Variants in ZNF276 observed in about 807,000 individuals in gnomAD.
The protein encoded by ZNF276 is centromere protein Z.
A neutral mutation model predicts 63.9 loss-of-function variants in ZNF276; 59 were observed. The observed-to-expected ratio is 0.92, with a 90% CI of 0.75 to 1.15. ZNF276 has a LOEUF of 1.15. Ranked by LOEUF, ZNF276 falls within the 50% of genes most tolerant of loss-of-function variation. The pLI is 0.00. For missense variants in ZNF276, 1,084 were observed against 843.8 expected, an observed-to-expected ratio of 1.28 and a Z score of -3.53; for synonymous variants, 496 against 348.4, an observed-to-expected ratio of 1.42 and a Z score of -4.72.
chr16:89,721,435 G>A (rs1039580734), upstream of ZNF276: 9 of 446,858 alleles, frequency 2.0e-5, no homozygotes, highest in African/African-American at 1.2e-4. Flanking sequence ...GTACGAGCGG[G>A]GGCGCTGGCA....
chr16:89,734,280 C>A (rs750681116), intron 9 of ZNF276, among the ~76,000 whole-genome samples: 4 of 152,162 alleles, frequency 2.6e-5, no homozygotes, highest in Non-Finnish European at 4.4e-5. Context: ...TTTGTCAAAA[C>A]TAATAGCCAA....
intron 9 of ZNF276, chr16:89,737,568 A>T: frequency 1.6e-6 from 1 of 627,184 alleles, no homozygotes; most frequent in Non-Finnish European, 2.5e-6. Flanking sequence ...TAGCTTTCTG[A>T]GGTTTCTTTA....
At position 89,733,417 on chromosome 16, in the gene ZNF276, T is replaced by C; in HGVS notation, c.1280+5T>C. 6.2e-7 allele frequency: 1 copy of C among 1,614,116 alleles called. No individual in the cohort carries two copies. The highest frequency in any genetic ancestry group is 8.5e-7 in the Non-Finnish European group (1 of 1,180,016). On this transcript the variant is annotated splice_donor_5th_base_variant and intron_variant, in intron 7 of 10. Coordinates refer to ENST00000443381, the MANE Select transcript of ZNF276 (RefSeq NM_001113525.2). Reference sequence around the variant, plus strand: ...GAAGAAGCTTCGTTGTGAGAGGTGATGCCTGCAACGCGAGGCTCGCCCTGC... The same window carrying C: ...GAAGAAGCTTCGTTGTGAGAGGTGACGCCTGCAACGCGAGGCTCGCCCTGC...
chr16:89,725,304 C>G (rs2061435682), intron 4 of ZNF276, among the ~76,000 whole-genome samples: 1 of 151,594 alleles, frequency 6.6e-6, no homozygotes, highest in Non-Finnish European at 1.5e-5. Flanking sequence ...GCCTCAGCCT[C>G]CCGAGTAGCT....
intron 6 of ZNF276, among the ~76,000 whole-genome samples, chr16:89,730,182 G>C (rs767187334): frequency 3.3e-5 from 5 of 152,200 alleles, no homozygotes; most frequent in Non-Finnish European, 7.3e-5. Flanking sequence ...GCGAAGCAGA[G>C]GGCAGGACTG....
At chr16:89,728,271 C>G (rs1482383438) in intron 5 of ZNF276, among the ~76,000 whole-genome samples, 1 of 148,780 alleles carries the variant, frequency 6.7e-6, no homozygotes, top group Non-Finnish European at 1.5e-5. Context: ...GTTGCCCAGG[C>G]TGGAGTGCAG....
chr16:89,738,285 T>C lies in ZNF276; in HGVS notation c.*39T>C, dbSNP rs908909494. ...GATGAGCACCTCTAGCAGCCTGGAC[T>C]CCGCAGTGGCTGTGTCAGCCTCACC... On this transcript the variant is annotated 3_prime_UTR_variant, in exon 11 of 11. Transcript: ENST00000443381. 1.2e-5 allele frequency: 18 copies of C among 1,553,052 alleles called. No homozygotes were observed. Among genetic ancestry groups the C allele is most frequent in the Non-Finnish European group, 1.6e-5 (18 of 1,150,666 alleles).
At position 89,738,000 on chromosome 16, in the gene ZNF276, C is replaced by G; in HGVS notation, c.1599C>G (p.Cys533Trp). The G allele has an allele frequency of 6.2e-7, 1 of 1,614,184 alleles. No homozygotes were observed. The highest frequency in any genetic ancestry group is 8.5e-7 in the Non-Finnish European group (1 of 1,180,038). Reference sequence around the variant, plus strand: ...GGTGTGAGGTCTGTGGGTTCCAGTGCAGGCAGCGGGCATCCCTCAAGTACC... The same window carrying G: ...GGTGTGAGGTCTGTGGGTTCCAGTGGAGGCAGCGGGCATCCCTCAAGTACC... ...PLQCEVCGFQCRQRASLKYHM... is the reference protein window; with the variant it reads ...PLQCEVCGFQWRQRASLKYHM... Residue 533 changes from cysteine to tryptophan, a missense_variant, in exon 11 of 11, where the codon TGC becomes TGG. Transcript: ENST00000443381.
upstream of ZNF276, chr16:89,720,482 C>A (rs974092365): frequency 1.8e-6 from 2 of 1,110,056 alleles, no homozygotes; most frequent in African/African-American, 1.6e-5. Context: ...CCTGGCGGAC[C>A]CTCCTGCTAC....
At chr16:89,722,249 C>T (rs1206386442) in intron 1 of ZNF276, among the ~76,000 whole-genome samples, 1 of 152,214 alleles carries the variant, frequency 6.6e-6, no homozygotes. Flanking sequence ...CCCCGGGTCT[C>T]GCGGTCGCTG....
chr16:89,730,793 C>A (rs2061621375), intron 6 of ZNF276, among the ~76,000 whole-genome samples: 1 of 152,162 alleles, frequency 6.6e-6, no homozygotes, highest in African/African-American at 2.4e-5. Context: ...CTCTGCACAG[C>A]CCCCGGCCCG....
chr16:89,723,075 A>ACGACGAGCGCTGTGAACCTC (rs1181754434), intron 2 of ZNF276, 62 bp from the exon 3 acceptor site: 2 of 1,612,170 alleles, frequency 1.2e-6, no homozygotes, highest in Non-Finnish European at 1.7e-6. Context: ...AGGGTCCCGT[A>ACGACGAGCGCTGTGAACCTC]CGACGAGCGC....
At chr16:89,723,046 T>C (rs2061352833) in intron 2 of ZNF276, 91 bp from the exon 3 acceptor site, 1 of 1,609,388 alleles carries the variant, frequency 6.2e-7, no homozygotes. Context: ...TGGGGACCGC[T>C]GAGGTTTGAG....
At chr16:89,732,869 A>AGG (rs2061710775) in intron 6 of ZNF276, 1 of 135,070 alleles carries the variant, frequency 7.4e-6, no homozygotes. Context: ...GCTCGCCCTG[A>AGG]CCCTGCTGTA....
chr16:89,722,694 G>T lies in ZNF276; in HGVS notation c.369G>T (p.Val123=). 1 of 1,612,408 alleles carries T rather than the reference G, an allele frequency of 6.2e-7. No individual in the cohort carries two copies. Residue 123 remains valine, a synonymous_variant, in exon 2 of 11, where the codon GTG becomes GTT. Coordinates refer to ENST00000443381, the MANE Select transcript of ZNF276 (RefSeq NM_001113525.2). ...LVRDFQRLLG[V]AVRQDPTLSP... ...GGGACTTCCAGCGCCTGCTTGGTGTGGCTGTCCGCCAGGACCCCACCTTGT... is the reference window on the plus strand; with the variant it reads ...GGGACTTCCAGCGCCTGCTTGGTGTTGCTGTCCGCCAGGACCCCACCTTGT...
In ZNF276 at chr16:89,721,634, C is replaced by T. The variant is rs950871288; in HGVS notation, c.-7C>T. 9 of 1,472,584 alleles carry T rather than the reference C, an allele frequency of 6.1e-6. No homozygotes were observed. The Admixed American group carries it at 1.2e-4, about 19-fold the overall frequency. The allele number at this position is 1,472,584 out of a possible 1,614,324, so 91.2% of individuals were successfully genotyped here. ...CCCGCGGGATTCTGCTGGCGTCCTC[C>T]GCTGCCATGAAGCGGGACCGGCTGG... On this transcript the variant is annotated 5_prime_UTR_variant, in exon 1 of 11. Transcript: ENST00000443381.
At chr16:89,735,549 C>T (rs1453463753) in intron 9 of ZNF276, among the ~76,000 whole-genome samples, 1 of 152,074 alleles carries the variant, frequency 6.6e-6, no homozygotes, top group Non-Finnish European at 1.5e-5. Flanking sequence ...TGTCCGGTCA[C>T]TGATGGTCAC....
chr16:89,736,819 C>T (rs1180602123), intron 9 of ZNF276, among the ~76,000 whole-genome samples: 1 of 78,874 alleles, frequency 1.3e-5, no homozygotes, highest in Admixed American at 1.3e-4. Flanking sequence ...AAAAAAGAAT[C>T]CCTTGAACCT....
In ZNF276 at chr16:89,721,607, C is replaced by G; in HGVS notation, c.-34C>G. 1 of 1,471,760 alleles carries G rather than the reference C, an allele frequency of 6.8e-7. No homozygotes were observed. The highest frequency in any genetic ancestry group is 9.0e-7 in the Non-Finnish European group (1 of 1,116,412). The allele number at this position is 1,471,760 out of a possible 1,614,324, so 91.2% of individuals were successfully genotyped here. A position where few individuals can be genotyped will look rare whatever the true frequency, so the allele number is the denominator to read the frequency against. ...CCTCTAGGAACCTCGGGCCGGGCAG[C>G]ACCCGCGGGATTCTGCTGGCGTCCT... On this transcript the variant is annotated 5_prime_UTR_variant, in exon 1 of 11. Coordinates refer to ENST00000443381, the MANE Select transcript of ZNF276 (RefSeq NM_001113525.2).
Sources: gnomAD v4.1 joint callset for allele counts (sites outside exome capture counted in the v4.1 genomes callset) on GRCh38, gnomAD v4.1.1 for gene constraint, MANE v1.5 for transcripts, NCBI Gene and HGNC (gene_info 2026-07-23, HGNC 2026-07-21) for gene names.